TBCK: variants seen among roughly 807,000 people sequenced by gnomAD.
TBCK encodes the protein TBC domain-containing protein kinase-like protein.
TBCK carries 99 observed loss-of-function variants against 113.4 expected under a neutral mutation model. The ratio of observed to expected loss-of-function variants is 0.87; its 90% confidence interval spans 0.74 to 1.03. The LOEUF is 1.03. Ranked by LOEUF, TBCK falls within the 50% of genes least tolerant of loss-of-function variation. The pLI is 0.00. For synonymous variants in TBCK, 369 were observed against 370.8 expected (o/e 1.00, Z 0.05); for missense variants, 1,045 against 1,061.3 (o/e 0.98, Z 0.21).
intron 25 of TBCK, among the ~76,000 whole-genome samples, chr4:106,053,628 A>G (rs563839022): frequency 2.0e-5 from 3 of 151,808 alleles, no homozygotes; most frequent in African/African-American, 7.2e-5. Context: ...TCCTATCTAT[A>G]CACTGATGAC....
chr4:106,067,498 TCTTACTTTTAGAAGTCCAA>T (rs1277326566), intron 25 of TBCK, among the ~76,000 whole-genome samples: 2 of 152,252 alleles, frequency 1.3e-5, no homozygotes, highest in Admixed American at 1.3e-4. Flanking sequence ...AAGCACAAAT[TCTTACTTTTAGAAGTCCAA>T]CTTACTGTTT....
intron 10 of TBCK, among the ~76,000 whole-genome samples, chr4:106,245,103 T>A (rs1760652023): frequency 6.6e-6 from 1 of 152,078 alleles, no homozygotes. Flanking sequence ...CAGTGCCAAG[T>A]TTGGAAAACC....
intron 23 of TBCK, among the ~76,000 whole-genome samples, chr4:106,123,017 T>C (rs1438865504): frequency 6.6e-6 from 1 of 152,216 alleles, no homozygotes; most frequent in African/African-American, 2.4e-5. Flanking sequence ...TGTTGGAAGT[T>C]CTGGCCAGGG....
At chr4:106,141,077 C>A in intron 23 of TBCK, among the ~76,000 whole-genome samples, 1 of 139,378 alleles carries the variant, frequency 7.2e-6, no homozygotes, top group East Asian at 2.1e-4. Context: ...ATCTCTCAAG[C>A]AAAAAGACAG....
rs1321499428 is a variant in TBCK, at chr4:106,236,491, T to C, written c.1249A>G (p.Asn417Asp). The C allele has an allele frequency of 2.5e-6, 4 of 1,573,224 alleles. No homozygotes were observed. Among genetic ancestry groups the C allele is most frequent in the Non-Finnish European group, 3.5e-6 (4 of 1,159,218 alleles). The change falls in exon 14 of 26, where the codon AAT becomes GAT. Residue 417 changes from asparagine (N) to aspartate (D), a missense_variant. Physicochemically the swap from Asn to Asp is conservative, Grantham distance 23. Coordinates refer to ENST00000394708, the MANE Select transcript of TBCK (RefSeq NM_001163435.3). ...DQSNLPHSNS[N>D]NELSAAATLP... ...GTGGCAGCTGCAGACAACTCATTAT[T>C]GCTGTTTGAATGAGGTAAATTAGAC...
chr4:106,312,402 C>G (rs1768296538), intron 1 of TBCK, among the ~76,000 whole-genome samples: 1 of 151,992 alleles, frequency 6.6e-6, no homozygotes, highest in African/African-American at 2.4e-5. Context: ...AAATGAAAAT[C>G]ACAATGACAA....
At chr4:106,057,435 T>C (rs960963900) in intron 25 of TBCK, among the ~76,000 whole-genome samples, 3 of 151,776 alleles carry the variant, frequency 2.0e-5, no homozygotes, top group African/African-American at 7.2e-5. Context: ...AGTGTCACTT[T>C]CCTTTTCTAA....
intron 23 of TBCK, among the ~76,000 whole-genome samples, 193 bp downstream of exon 23, chr4:106,170,902 A>G (rs906516881): frequency 6.6e-6 from 1 of 152,154 alleles, no homozygotes; most frequent in African/African-American, 2.4e-5. Flanking sequence ...CGTCAAAATA[A>G]TCTTCCTAAC....
chr4:106,252,832 G>A (rs760938178), intron 5 of TBCK, among the ~76,000 whole-genome samples: 2 of 152,064 alleles, frequency 1.3e-5, no homozygotes, highest in Admixed American at 6.5e-5. Context: ...ACCACACCAA[G>A]TTGCCCTTTG....
In TBCK at chr4:106,295,083, C is replaced by CT. The variant is rs111238095; in HGVS notation, c.266+10dup. 5.0e-3 allele frequency: 7,988 copies of CT among 1,597,238 alleles called. 346 individuals carry two copies. In the African/African-American group the frequency reaches 0.094, roughly 19 times the overall value. On this transcript the variant is annotated intron_variant, in intron 3 of 25. Transcript: ENST00000394708. Reference sequence around the variant, plus strand: ...TGCTTTTCATTTAATTGTTCTGATACTATACAGTACCTCACAGGTTTCCTT... The same window carrying CT: ...TGCTTTTCATTTAATTGTTCTGATACTTATACAGTACCTCACAGGTTTCCTT...
intron 2 of TBCK, among the ~76,000 whole-genome samples, chr4:106,301,885 T>C (rs1330250744): frequency 6.6e-6 from 1 of 152,166 alleles, no homozygotes; most frequent in Non-Finnish European, 1.5e-5. Flanking sequence ...TCATGTGGTA[T>C]TACACCATTG....
At chr4:106,301,876 CAT>C (rs1766984379) in intron 2 of TBCK, among the ~76,000 whole-genome samples, 1 of 152,116 alleles carries the variant, frequency 6.6e-6, no homozygotes, top group Non-Finnish European at 1.5e-5. Context: ...AAATCAAAGT[CAT>C]GTGGTATTAC....
At chr4:106,096,367 T>C (rs1476062460) in intron 24 of TBCK, among the ~76,000 whole-genome samples, 1 of 152,228 alleles carries the variant, frequency 6.6e-6, no homozygotes, top group Non-Finnish European at 1.5e-5. Context: ...TAACACATAC[T>C]AAGAACCTAA....
intron 3 of TBCK, among the ~76,000 whole-genome samples, chr4:106,267,471 GATAATT>G (rs775535378): frequency 5.3e-5 from 8 of 151,876 alleles, no homozygotes; most frequent in Non-Finnish European, 8.8e-5. Context: ...TTTACAAACT[GATAATT>G]ATAATATAAG....
intron 13 of TBCK, 117 bp downstream of exon 13, chr4:106,236,642 C>T: frequency 9.5e-7 from 1 of 1,057,976 alleles, no homozygotes; most frequent in South Asian, 3.7e-5. Flanking sequence ...TAAACCAAAA[C>T]CTCAGGTTAT....
chr4:106,084,989 AAC>A (rs1251785016), intron 25 of TBCK, among the ~76,000 whole-genome samples: 2 of 152,214 alleles, frequency 1.3e-5, no homozygotes, highest in Non-Finnish European at 2.9e-5. Flanking sequence ...CCACTGCAAA[AAC>A]ACACCAAAAA....
chr4:106,104,146 T>C (rs1487161388), intron 24 of TBCK, among the ~76,000 whole-genome samples: 1 of 152,208 alleles, frequency 6.6e-6, no homozygotes, highest in Non-Finnish European at 1.5e-5. Context: ...CAAAAGTAGC[T>C]GCAGCTTTGG....
At chr4:106,151,014 T>C (rs1338957174) in intron 23 of TBCK, among the ~76,000 whole-genome samples, 1 of 151,964 alleles carries the variant, frequency 6.6e-6, no homozygotes, top group African/African-American at 2.4e-5. Context: ...TTTTTATGTA[T>C]GTATGTTTGC....
chr4:106,293,612 C>T (rs1352724969), intron 3 of TBCK, among the ~76,000 whole-genome samples: 1 of 152,164 alleles, frequency 6.6e-6, no homozygotes, highest in Non-Finnish European at 1.5e-5. Context: ...CTGGTATATA[C>T]ATGATATCTG....
Sources: allele counts gnomAD v4.1 joint callset (sites outside exome capture counted in the v4.1 genomes callset), GRCh38; gene constraint gnomAD v4.1.1; transcripts MANE v1.5; gene names NCBI Gene and HGNC (gene_info 2026-07-23, HGNC 2026-07-21).